The following RREB1 variants were observed in gnomAD, a reference collection of about 807,000 sequenced individuals.
The protein encoded by RREB1 is ras-responsive element-binding protein 1.
RREB1 carries 27 observed loss-of-function variants against 117.8 expected under a neutral mutation model. That is an observed-to-expected ratio of 0.23 (90% confidence interval 0.17 to 0.32). The LOEUF (loss-of-function observed/expected upper bound fraction) is 0.32, where lower values mean the gene tolerates loss of function less well. Ranked by LOEUF, RREB1 falls within the 10% of genes least tolerant of loss-of-function variation. The pLI is 1.00. For synonymous variants in RREB1, 1,298 were observed against 1,026.7 expected (o/e 1.26, Z -5.05); for missense variants, 2,577 against 2,378.2 (o/e 1.08, Z -1.74).
At chr6:7,211,787 C>A in intron 8 of RREB1, 78 bp downstream of exon 8, 1 of 1,431,300 alleles carries the variant, frequency 7.0e-7, no homozygotes, top group Non-Finnish European at 9.7e-7. Context: ...TCCCGTTACT[C>A]CACACCGGGC....
chr6:7,230,583 C>G lies in RREB1; in HGVS notation c.2484C>G (p.Ala828=), dbSNP rs1245935076. ...ACATCGAGAGCTACGTGCTGGCCGC[C>G]GACGGCCTGGGCCCCGCAGAGGCGC... ...EQDIESYVLA[A]DGLGPAEAPA... The change falls in exon 10 of 13, where the codon GCC becomes GCG. Residue 828 remains alanine (A), a synonymous_variant. Coordinates refer to ENST00000379938, the MANE Select transcript of RREB1 (RefSeq NM_001003699.4). 6.2e-7 allele frequency: 1 copy of G among 1,602,896 alleles called. No homozygotes were observed. Among genetic ancestry groups the G allele is most frequent in the South Asian group, 1.1e-5 (1 of 90,368 alleles).
intron 6 of RREB1, among the ~76,000 whole-genome samples, chr6:7,209,083 A>G (rs1172125572): frequency 2.0e-5 from 3 of 152,176 alleles, no homozygotes; most frequent in Non-Finnish European, 4.4e-5. Flanking sequence ...CCTTTATGAA[A>G]ACAGCTTCTT....
rs61731495 is a variant in RREB1 at position 7,230,650 on chromosome 6, G to C, written c.2551G>C (p.Ala851Pro). 1.3e-6 allele frequency: 2 copies of C among 1,599,940 alleles called. No homozygotes were observed. Among genetic ancestry groups the C allele is most frequent in the Non-Finnish European group, 1.7e-6 (2 of 1,173,616 alleles). ...GGGGCGCGGGGAGGACAGTGGCTGC[G>C]CTGCCCTTGGTGACTGCAAGCCCCT... ...ASGRGEDSGC[A>P]ALGDCKPLTA... Residue 851 changes from alanine (A) to proline (P), a missense_variant, in exon 10 of 13, where the codon GCT (alanine) becomes CCT (proline). Coordinates refer to ENST00000379938, the MANE Select transcript of RREB1 (RefSeq NM_001003699.4).
At chr6:7,143,383 T>C (rs1319311325) in intron 1 of RREB1, among the ~76,000 whole-genome samples, 1 of 152,252 alleles carries the variant, frequency 6.6e-6, no homozygotes, top group Admixed American at 6.5e-5. Flanking sequence ...GGTCGTTCAC[T>C]CCCTTGGTCT....
chr6:7,136,724 C>T (rs1762362030), intron 1 of RREB1, among the ~76,000 whole-genome samples: 1 of 152,182 alleles, frequency 6.6e-6, no homozygotes. Context: ...CCTCTAAAGA[C>T]ATTTAAAACA....
At chr6:7,242,427 C>T (rs1768763162) in intron 11 of RREB1, among the ~76,000 whole-genome samples, 1 of 152,134 alleles carries the variant, frequency 6.6e-6, no homozygotes, top group South Asian at 2.1e-4. Flanking sequence ...GGGACAAAGC[C>T]TCTAGAAAAA....
chr6:7,233,697 C>T (rs1768134558), intron 10 of RREB1, among the ~76,000 whole-genome samples: 1 of 151,940 alleles, frequency 6.6e-6, no homozygotes, highest in South Asian at 2.1e-4. Context: ...AGGTTTATGA[C>T]AGGATGTTGA....
At chr6:7,136,322 G>A (rs1015791689) in intron 1 of RREB1, among the ~76,000 whole-genome samples, 10 of 152,166 alleles carry the variant, frequency 6.6e-5, no homozygotes, top group Non-Finnish European at 1.3e-4. Flanking sequence ...AAGGATTTTA[G>A]TTTGTTTTGA....
At chr6:7,114,894 C>T (rs1403778662) in intron 1 of RREB1, among the ~76,000 whole-genome samples, 2 of 152,110 alleles carry the variant, frequency 1.3e-5, no homozygotes, top group East Asian at 1.9e-4. Flanking sequence ...TGGTCGATGG[C>T]TCAGCTTTCC....
intron 1 of RREB1, among the ~76,000 whole-genome samples, chr6:7,172,399 TC>T (rs1383683175): frequency 1.3e-5 from 2 of 151,576 alleles, no homozygotes; most frequent in African/African-American, 2.4e-5. Context: ...AAGGGATGCA[TC>T]CCCCCACCCC....
intron 6 of RREB1, among the ~76,000 whole-genome samples, chr6:7,209,316 T>C (rs1179196824): frequency 6.6e-6 from 1 of 152,206 alleles, no homozygotes; most frequent in Non-Finnish European, 1.5e-5. Context: ...CTAGTTTACA[T>C]CTCTTATACT....
At chr6:7,162,125 A>G (rs1166105215) in intron 1 of RREB1, among the ~76,000 whole-genome samples, 1 of 152,118 alleles carries the variant, frequency 6.6e-6, no homozygotes, top group Admixed American at 6.5e-5. Flanking sequence ...GATAGCTCCC[A>G]GGGGTTTTGT....
In RREB1 at chr6:7,246,719, G is replaced by C. The variant is rs1769068704; in HGVS notation, c.4269G>C (p.Lys1423Asn). Residue 1423 changes from lysine (K) to asparagine (N), a missense_variant, in exon 12 of 13, where the codon AAG becomes AAC. Coordinates refer to ENST00000379938, the MANE Select transcript of RREB1 (RefSeq NM_001003699.4). ...GCCTGGACCTGGACTTCGCCACCAA[G>C]CTCATGGACTTCAAGCTGGCGGAGG... Reference protein sequence around the residue: ...NQSLDLDFATKLMDFKLAEGD... With the variant: ...NQSLDLDFATNLMDFKLAEGD... 4 of 1,584,130 alleles carry C rather than the reference G, an allele frequency of 2.5e-6. No homozygotes were observed. Among genetic ancestry groups the C allele is most frequent in the Admixed American group, 1.8e-5 (1 of 55,814 alleles).
chr6:7,119,063 A>T (rs1449685068), intron 1 of RREB1, among the ~76,000 whole-genome samples: 1 of 152,056 alleles, frequency 6.6e-6, no homozygotes, highest in Non-Finnish European at 1.5e-5. Context: ...GGTATGGGAA[A>T]GATAGTTGAA....
chr6:7,126,088 G>A (rs1440604395), intron 1 of RREB1, among the ~76,000 whole-genome samples: 1 of 152,060 alleles, frequency 6.6e-6, no homozygotes, highest in Non-Finnish European at 1.5e-5. Context: ...TGCAACCTCC[G>A]CCTCCCGGGT....
At chr6:7,222,662 A>G (rs1445607738) in intron 8 of RREB1, among the ~76,000 whole-genome samples, 1 of 152,148 alleles carries the variant, frequency 6.6e-6, no homozygotes, top group African/African-American at 2.4e-5. Context: ...AAGAAACCTC[A>G]ATGTTATTAA....
intron 6 of RREB1, among the ~76,000 whole-genome samples, chr6:7,201,894 T>A (rs1435604867): frequency 6.6e-6 from 1 of 152,140 alleles, no homozygotes; most frequent in Non-Finnish European, 1.5e-5. Context: ...TGGTAGATGG[T>A]GTACTGTTCC....
intron 10 of RREB1, among the ~76,000 whole-genome samples, chr6:7,236,793 C>T (rs1768351398): frequency 1.3e-5 from 2 of 150,540 alleles, no homozygotes; most frequent in South Asian, 4.2e-4. Context: ...ACTATTCTCA[C>T]TGTTCACTCT....
At chr6:7,164,145 A>T (rs1371698872) in intron 1 of RREB1, among the ~76,000 whole-genome samples, 1 of 152,226 alleles carries the variant, frequency 6.6e-6, no homozygotes, top group East Asian at 1.9e-4. Context: ...CTCATAAAAA[A>T]AAAGATCCTA....
Sources: allele counts gnomAD v4.1 joint callset (sites outside exome capture counted in the v4.1 genomes callset), GRCh38; gene constraint gnomAD v4.1.1; transcripts MANE v1.5; gene names NCBI Gene and HGNC (gene_info 2026-07-23, HGNC 2026-07-21).